Variants in MYT1L observed in about 807,000 individuals in gnomAD.
MYT1L encodes the protein myelin transcription factor 1-like protein.
A neutral mutation model predicts 126.7 loss-of-function variants in MYT1L; 12 were observed. The ratio of observed to expected loss-of-function variants is 0.09; its 90% CI spans 0.06 to 0.15. The LOEUF (loss-of-function observed/expected upper bound fraction) is 0.15. MYT1L is among the 10% of genes least tolerant of loss of function. The probability of loss-of-function intolerance (pLI) is 1.00; values close to 1 mark genes in which losing one functional copy is unlikely to be tolerated. For missense variants in MYT1L, 979 were observed against 1,585.2 expected (o/e 0.62, Z 6.49); for synonymous variants, 541 against 604.2 (o/e 0.90, Z 1.53).
rs777426513 is a variant in MYT1L at position 1,839,192 on chromosome 2, C to T, written c.3037G>A (p.Asp1013Asn). 2.5e-6 allele frequency: 4 copies of T among 1,613,338 alleles called. No individual in the cohort carries two copies. Among genetic ancestry groups the T allele is most frequent in the Non-Finnish European group, 3.4e-6 (4 of 1,179,860 alleles). The change falls in exon 21 of 25, where the codon GAC (aspartate) becomes AAC (asparagine). Residue 1013 changes from aspartate to asparagine, a missense_variant. Around this residue, in one of 12 missense-constraint regions of MYT1L, gnomAD observed 179 missense variants for 398.6 expected, o/e 0.45. Transcript: ENST00000647738. ...CTGCCGCTGACGTGGCCTGAGCCGTCGCATCCTGGCGTGGGGCAGGACATG... is the reference window on the plus strand; with the variant it reads ...CTGCCGCTGACGTGGCCTGAGCCGTTGCATCCTGGCGTGGGGCAGGACATG... ...EGMSCPTPGC[D>N]GSGHVSGSFL...
intron 2 of MYT1L, among the ~76,000 whole-genome samples, chr2:2,282,996 AC>A (rs1351312922): frequency 6.6e-6 from 1 of 152,120 alleles, no homozygotes; most frequent in Non-Finnish European, 1.5e-5. Flanking sequence ...AATACCTTGA[AC>A]CCCGGAGGGA....
chr2:1,869,202 C>T (rs1181671727), intron 18 of MYT1L, among the ~76,000 whole-genome samples: 35 of 145,946 alleles, frequency 2.4e-4, no homozygotes, highest in Non-Finnish European at 1.3e-4. Context: ...AGCACACAGT[C>T]CCGGACTTAT....
intron 1 of MYT1L, among the ~76,000 whole-genome samples, chr2:2,305,262 G>A (rs2149555409): frequency 6.6e-6 from 1 of 152,164 alleles, no homozygotes; most frequent in Admixed American, 6.5e-5. Context: ...AAAACTTCAG[G>A]CAGTGTATGC....
At chr2:2,295,932 T>TG (rs531811058) in intron 1 of MYT1L, among the ~76,000 whole-genome samples, 6 of 103,898 alleles carry the variant, frequency 5.8e-5, no homozygotes, top group Non-Finnish European at 9.4e-5. Flanking sequence ...AGAGAGAGGT[T>TG]GGGGGGGAGG....
chr2:2,172,100 C>A (rs1175219341), intron 3 of MYT1L, among the ~76,000 whole-genome samples: 1 of 152,124 alleles, frequency 6.6e-6, no homozygotes, highest in African/African-American at 2.4e-5. Flanking sequence ...CGTTCAGAAC[C>A]AACGACTTTA....
chr2:1,874,091 T>C (rs1198861352), intron 18 of MYT1L, among the ~76,000 whole-genome samples: 1 of 152,020 alleles, frequency 6.6e-6, no homozygotes, highest in Admixed American at 6.5e-5. Context: ...ATCCAGGGGT[T>C]TGCGTGCCGG....
intron 2 of MYT1L, among the ~76,000 whole-genome samples, chr2:2,264,547 G>A (rs747237832): frequency 6.6e-6 from 1 of 152,140 alleles, no homozygotes; most frequent in South Asian, 2.1e-4. Context: ...GAACAGTAAG[G>A]CACTAATTCT....
rs1469204223 is a variant in MYT1L, at chr2:1,840,899, TC to T, written c.2775-57del. 5.3e-3 allele frequency: 5,279 copies of T among 1,005,126 alleles called. 326 individuals are homozygous for T. In the African/African-American group the frequency reaches 0.089, roughly 17 times the overall value. 62.3% of individuals were successfully genotyped at this position (1,005,126 alleles called of 1,614,324 possible). A position where few individuals can be genotyped will look rare whatever the true frequency, so the allele number is the denominator to read the frequency against. ...CCACACCGTTGATTTCAGTGAGCTT[TC>T]TTTCTTTTTTTTTTTTTTTTTGAGA... On this transcript the variant is annotated intron_variant, in intron 19 of 24. Coordinates refer to ENST00000647738, the MANE Select transcript of MYT1L (RefSeq NM_001303052.2).
chr2:2,139,482 T>TAC (rs1346527719), intron 3 of MYT1L, among the ~76,000 whole-genome samples: 2 of 151,370 alleles, frequency 1.3e-5, no homozygotes, highest in Non-Finnish European at 2.9e-5. Context: ...TGTATATATA[T>TAC]ACAAAAATTA....
intron 2 of MYT1L, among the ~76,000 whole-genome samples, chr2:2,270,126 C>T (rs180927597): frequency 2.2e-3 from 340 of 152,290 alleles, no homozygotes; most frequent in African/African-American, 8.0e-3. Flanking sequence ...GCCAGCTCTG[C>T]ATCTTCACCT....
chr2:2,259,838 C>T (rs889875436), intron 2 of MYT1L, among the ~76,000 whole-genome samples: 1 of 152,128 alleles, frequency 6.6e-6, no homozygotes, highest in African/African-American at 2.4e-5. Context: ...ATTGTTTAAC[C>T]TTCCCGAGCT....
rs2065870225 is a variant in MYT1L at position 2,028,448 on chromosome 2, AGAGG to A, written c.-158+25526_-158+25529del. On this transcript the variant is annotated intron_variant, in intron 4 of 24. Transcript: ENST00000647738. ...TCATTTTGAAGGTCAGATAGTGACA[AGAGG>A]GAGGCTAGGAATCTATGTAGTGGCA... 2.6e-5 allele frequency among the ~76,000 whole-genome samples: 4 copies of A among 152,362 alleles called. No homozygotes were observed. The South Asian group carries it at 8.3e-4, about 32-fold the overall frequency.
intron 3 of MYT1L, among the ~76,000 whole-genome samples, chr2:2,058,602 C>T (rs1488106676): frequency 6.6e-6 from 1 of 152,118 alleles, no homozygotes; most frequent in East Asian, 1.9e-4. Flanking sequence ...CACTAATGAT[C>T]AACAAATTTA....
intron 3 of MYT1L, among the ~76,000 whole-genome samples, chr2:2,095,568 T>A (rs1379736998): frequency 6.6e-6 from 1 of 151,690 alleles, no homozygotes; most frequent in African/African-American, 2.4e-5. Flanking sequence ...CCGCGGGGGG[T>A]CACTACACCA....
At chr2:1,942,301 A>G (rs2056744674) in intron 9 of MYT1L, among the ~76,000 whole-genome samples, 1 of 152,204 alleles carries the variant, frequency 6.6e-6, no homozygotes, top group Admixed American at 6.5e-5. Context: ...CATGAAAGCC[A>G]TGTCACCGTA....
chr2:2,072,284 G>GCCTA (rs1368673135), intron 3 of MYT1L, among the ~76,000 whole-genome samples: 1 of 152,140 alleles, frequency 6.6e-6, no homozygotes, highest in African/African-American at 2.4e-5. Context: ...GTGGGATTTT[G>GCCTA]CCTACCACCT....
intron 2 of MYT1L, among the ~76,000 whole-genome samples, chr2:2,191,395 T>A (rs988148048): frequency 3.9e-5 from 6 of 152,148 alleles, no homozygotes; most frequent in African/African-American, 1.4e-4. Context: ...CAGAACCATA[T>A]CCATTATGAA....
At position 1,929,692 on chromosome 2, in the gene MYT1L, G is replaced by A. The variant is rs1276600912; in HGVS notation, c.506-6429C>T. Among the ~76,000 whole-genome samples the A allele has an allele frequency of 6.6e-6, 1 of 152,206 alleles. No individual in the cohort carries two copies. The highest frequency in any genetic ancestry group is 2.4e-5 in the African/African-American group (1 of 41,448). Reference sequence around the variant, plus strand: ...TCTTATTCATCTTGAGTATAGATTAGCACAGACATTTTCTCCAGTGCCGGC... The same window carrying A: ...TCTTATTCATCTTGAGTATAGATTAACACAGACATTTTCTCCAGTGCCGGC... On this transcript the variant is annotated intron_variant, in intron 9 of 24. Transcript: ENST00000647738. This position sits in a 1 kb window ranked among gnomAD's most constrained non-coding sequence, Gnocchi z 4.7.
intron 3 of MYT1L, among the ~76,000 whole-genome samples, chr2:2,141,962 T>C (rs2084048223): frequency 1.3e-5 from 2 of 152,254 alleles, no homozygotes; most frequent in South Asian, 4.1e-4. Flanking sequence ...TCCTCATCTG[T>C]TATTTTGAGA....
Sources: gnomAD v4.1 joint callset for allele counts (sites outside exome capture counted in the v4.1 genomes callset) on GRCh38, gnomAD v4.1.1 for gene constraint, gnomAD v4.1.1 regional missense constraint, Gnocchi (gnomAD v3.1) non-coding constraint, MANE v1.5 for transcripts, NCBI Gene and HGNC (gene_info 2026-07-23, HGNC 2026-07-21) for gene names.